TAFA1: variants seen among roughly 807,000 people sequenced by gnomAD.
TAFA1 encodes chemokine-like protein TAFA-1.
A neutral mutation model predicts 18.5 loss-of-function variants in TAFA1; 4 were observed. That is an observed-to-expected ratio of 0.22 (90% CI 0.11 to 0.49). The LOEUF (loss-of-function observed/expected upper bound fraction) is 0.49. Ranked by LOEUF, TAFA1 falls within the 20% of genes least tolerant of loss-of-function variation. TAFA1 has a pLI of 0.98. For missense variants in TAFA1, 147 were observed against 169.0 expected (o/e 0.87, Z 0.72); for synonymous variants, 56 against 55.2 (o/e 1.01, Z -0.06).
chr3:68,146,345 T>C (rs1057506112), intron 2 of TAFA1, among the ~76,000 whole-genome samples: 8 of 150,656 alleles, frequency 5.3e-5, no homozygotes. Context: ...TTATCTCATC[T>C]ATCTTTAGAT....
chr3:68,409,127 C>A (rs1387924773), intron 2 of TAFA1, among the ~76,000 whole-genome samples: 1 of 152,174 alleles, frequency 6.6e-6, no homozygotes, highest in East Asian at 1.9e-4. Flanking sequence ...TACCCACACA[C>A]ATGTACATGT....
intron 2 of TAFA1, among the ~76,000 whole-genome samples, chr3:68,194,315 C>T (rs1491734): frequency 0.044 from 6,709 of 151,710 alleles, 472 homozygotes; most frequent in African/African-American, 0.15. Flanking sequence ...TTCTATCTAC[C>T]TTGGTGGCTG....
At chr3:68,070,042 G>A (rs372527930) in intron 2 of TAFA1, among the ~76,000 whole-genome samples, 1 of 152,192 alleles carries the variant, frequency 6.6e-6, no homozygotes, top group Non-Finnish European at 1.5e-5. Flanking sequence ...TCTGGGGACT[G>A]GGGGATGATT....
chr3:68,178,013 G>C (rs568608591), intron 2 of TAFA1, among the ~76,000 whole-genome samples: 1 of 151,996 alleles, frequency 6.6e-6, no homozygotes, highest in Non-Finnish European at 1.5e-5. Flanking sequence ...GTGTGGTGGT[G>C]GGCGCCTATA....
intron 2 of TAFA1, among the ~76,000 whole-genome samples, chr3:68,286,749 G>A (rs1036501857): frequency 1.3e-5 from 2 of 152,178 alleles, no homozygotes; most frequent in Non-Finnish European, 2.9e-5. Context: ...ACAAGCACAA[G>A]GTTGTAGTAA....
chr3:68,339,119 G>C (rs2220668), intron 2 of TAFA1, among the ~76,000 whole-genome samples: 3 of 152,062 alleles, frequency 2.0e-5, no homozygotes, highest in African/African-American at 7.2e-5. Flanking sequence ...GATGAGAAGT[G>C]TGGAAATTAG....
intron 2 of TAFA1, among the ~76,000 whole-genome samples, chr3:68,378,168 A>C (rs2069856687): frequency 6.6e-6 from 1 of 152,182 alleles, no homozygotes; most frequent in South Asian, 2.1e-4. Flanking sequence ...TAGAACCCAG[A>C]ATTGTAGATC....
At chr3:68,294,451 T>A (rs2068170063) in intron 2 of TAFA1, among the ~76,000 whole-genome samples, 1 of 152,240 alleles carries the variant, frequency 6.6e-6, no homozygotes, top group African/African-American at 2.4e-5. Context: ...TATGACACTT[T>A]CAGTGTATCT....
intron 2 of TAFA1, among the ~76,000 whole-genome samples, chr3:68,296,674 A>G (rs1161600799): frequency 6.6e-6 from 1 of 152,160 alleles, no homozygotes; most frequent in African/African-American, 2.4e-5. Context: ...TTCCTGTTTC[A>G]ACATACAAGC....
intron 2 of TAFA1, among the ~76,000 whole-genome samples, chr3:68,087,386 T>C (rs2064982979): frequency 6.6e-6 from 1 of 152,142 alleles, no homozygotes; most frequent in African/African-American, 2.4e-5. Flanking sequence ...ATTTAAAAAA[T>C]AATAATTAAT....
intron 2 of TAFA1, among the ~76,000 whole-genome samples, chr3:68,206,618 T>G (rs1037128929): frequency 6.6e-6 from 1 of 151,972 alleles, no homozygotes; most frequent in African/African-American, 2.4e-5. Flanking sequence ...TTATTCAATG[T>G]CACCATAAAT....
At chr3:68,038,969 C>T (rs1705109617) in intron 2 of TAFA1, among the ~76,000 whole-genome samples, 1 of 152,130 alleles carries the variant, frequency 6.6e-6, no homozygotes, top group Non-Finnish European at 1.5e-5. Context: ...TGCATTTTAA[C>T]TCATATGTGA....
At chr3:68,157,661 G>T (rs2065880662) in intron 2 of TAFA1, among the ~76,000 whole-genome samples, 1 of 151,772 alleles carries the variant, frequency 6.6e-6, no homozygotes. Flanking sequence ...TCCAAATAGG[G>T]CTGGCTTCTT....
chr3:68,294,120 C>T lies in TAFA1; in HGVS notation c.119-123160C>T, dbSNP rs554281125. On this transcript the variant is annotated intron_variant, in intron 2 of 4. Coordinates refer to ENST00000478136, the MANE Select transcript of TAFA1 (RefSeq NM_213609.4). ...AATATTTTATAATATTCTTCACTGT[C>T]AAATTATGTAATAAACAACAACAAT... Among the ~76,000 whole-genome samples the T allele has an allele frequency of 2.0e-5, 3 of 152,220 alleles. No homozygotes were observed. In the South Asian group the frequency reaches 6.2e-4, roughly 32 times the overall value.
At chr3:68,125,010 G>C (rs2065446963) in intron 2 of TAFA1, among the ~76,000 whole-genome samples, 1 of 152,190 alleles carries the variant, frequency 6.6e-6, no homozygotes, top group Admixed American at 6.5e-5. Flanking sequence ...TGAGACTCTT[G>C]TAATACCTGA....
At chr3:68,252,555 CTG>C (rs1406233083) in intron 2 of TAFA1, among the ~76,000 whole-genome samples, 2 of 152,184 alleles carry the variant, frequency 1.3e-5, no homozygotes, top group African/African-American at 4.8e-5. Context: ...CTCCACCACT[CTG>C]TAAAATCAGA....
intron 2 of TAFA1, among the ~76,000 whole-genome samples, chr3:68,154,317 C>A (rs925854924): frequency 1.3e-5 from 2 of 152,106 alleles, no homozygotes; most frequent in Non-Finnish European, 2.9e-5. Context: ...GCCAGATCTA[C>A]CTACAAGATC....
chr3:68,399,058 C>A (rs1350266454), intron 2 of TAFA1, among the ~76,000 whole-genome samples: 1 of 152,030 alleles, frequency 6.6e-6, no homozygotes, highest in East Asian at 1.9e-4. Flanking sequence ...ATGTTAAGTT[C>A]TAATTTACAT....
intron 2 of TAFA1, among the ~76,000 whole-genome samples, chr3:68,177,988 C>T (rs1575663034): frequency 1.3e-5 from 2 of 152,090 alleles, no homozygotes; most frequent in African/African-American, 4.8e-5. Context: ...ACTAAAAATA[C>T]AAAAAATTAG....
Sources: allele counts gnomAD v4.1 joint callset (sites outside exome capture counted in the v4.1 genomes callset), GRCh38; gene constraint gnomAD v4.1.1; transcripts MANE v1.5; gene names NCBI Gene and HGNC (gene_info 2026-07-23, HGNC 2026-07-21).